Variants in ZNF398 observed in about 807,000 individuals in gnomAD.
ZNF398 encodes the protein zinc finger DNA binding protein ZER6.
Under a neutral mutation model 41.9 loss-of-function variants are expected in ZNF398, and 18 were observed. The observed-to-expected ratio is 0.43, with a 90% CI of 0.30 to 0.64. The LOEUF (loss-of-function observed/expected upper bound fraction) is 0.64, where lower values mean the gene tolerates loss of function less well. ZNF398 is among the 30% of genes least tolerant of loss of function. The pLI, the probability that ZNF398 is intolerant of heterozygous loss-of-function variation, is 0.14. For synonymous variants in ZNF398, 260 were observed against 308.8 expected (o/e 0.84, Z 1.66); for missense variants, 669 against 822.8 (o/e 0.81, Z 2.29).
At chr7:149,158,986 ATTT>A (rs879780185) in intron 2 of ZNF398, among the ~76,000 whole-genome samples, 1 of 146,004 alleles carries the variant, frequency 6.8e-6, no homozygotes, top group Non-Finnish European at 1.5e-5. Context: ...TCCCTTAAAG[ATTT>A]TTTTTTTTTG....
At chr7:149,140,155 C>T (rs116686120) in intron 2 of ZNF398, among the ~76,000 whole-genome samples, 98 of 152,030 alleles carry the variant, frequency 6.4e-4, no homozygotes, top group African/African-American at 2.1e-3. Flanking sequence ...TTGAGGATTA[C>T]GAAAGATGTT....
chr7:149,130,709 T>A (rs931659331), intron 2 of ZNF398, among the ~76,000 whole-genome samples: 1 of 152,182 alleles, frequency 6.6e-6, no homozygotes, highest in South Asian at 2.1e-4. Context: ...GGGTTTGGTC[T>A]AGGTGCTGCT....
At chr7:149,136,034 G>A (rs1826705137) in intron 2 of ZNF398, among the ~76,000 whole-genome samples, 1 of 151,852 alleles carries the variant, frequency 6.6e-6, no homozygotes, top group Admixed American at 6.6e-5. Flanking sequence ...TTTGTGGATT[G>A]GGGTTTTGGT....
intron 2 of ZNF398, among the ~76,000 whole-genome samples, chr7:149,130,701 G>T (rs1306158328): frequency 6.6e-6 from 1 of 152,116 alleles, no homozygotes; most frequent in East Asian, 1.9e-4. Flanking sequence ...AACACCAGGG[G>T]TTTGGTCTAG....
chr7:149,133,710 C>CAT (rs1177575778), intron 2 of ZNF398, among the ~76,000 whole-genome samples: 5 of 67,372 alleles, frequency 7.4e-5, no homozygotes, highest in African/African-American at 3.0e-4. Context: ...TATATACACA[C>CAT]ATATATATGT....
At position 149,174,949 on chromosome 7, in the gene ZNF398, A is replaced by G. The variant is rs373011275; in HGVS notation, c.662-1519A>G. 8.5e-5 allele frequency among the ~76,000 whole-genome samples: 13 copies of G among 152,240 alleles called. No individual in the cohort carries two copies. The South Asian group carries it at 1.9e-3, about 22-fold the overall frequency. On this transcript the variant is annotated intron_variant, in intron 4 of 5. Coordinates refer to ENST00000475153, the MANE Select transcript of ZNF398 (RefSeq NM_170686.3). ...CCCCTCTGCCTTTTTCCTTATAGATATGTATGTGTATAACATCTGGAAGAG... is the reference window on the plus strand; with the variant it reads ...CCCCTCTGCCTTTTTCCTTATAGATGTGTATGTGTATAACATCTGGAAGAG...
intron 2 of ZNF398, among the ~76,000 whole-genome samples, chr7:149,156,675 A>T (rs1794987811): frequency 6.6e-6 from 1 of 151,124 alleles, no homozygotes; most frequent in Non-Finnish European, 1.5e-5. Context: ...CCTGACCAAC[A>T]TGGAGAAACC....
chr7:149,166,026 T>C (rs545297735), intron 2 of ZNF398, 132 bp from the exon 3 acceptor site: 1 of 1,041,446 alleles, frequency 9.6e-7, no homozygotes, highest in East Asian at 2.5e-5. Flanking sequence ...AGAAACCATT[T>C]CAGAGATATT....
At chr7:149,176,400 C>A in intron 4 of ZNF398, 68 bp from the exon 5 acceptor site, 1 of 1,087,730 alleles carries the variant, frequency 9.2e-7, no homozygotes, top group Non-Finnish European at 1.4e-6. Context: ...GTTCAGCAAA[C>A]CAACTTGATT....
intron 2 of ZNF398, among the ~76,000 whole-genome samples, chr7:149,158,955 C>A (rs1013586099): frequency 1.3e-5 from 2 of 151,766 alleles, no homozygotes; most frequent in East Asian, 3.9e-4. Flanking sequence ...ACTCTAAAAT[C>A]ATCTATAAAG....
upstream of ZNF398, among the ~76,000 whole-genome samples, chr7:149,142,481 C>A (rs924444598): frequency 1.3e-5 from 2 of 152,172 alleles, no homozygotes; most frequent in African/African-American, 4.8e-5. Context: ...TCCTGGCTAA[C>A]ACGGTGAAAC....
rs1204360454 is a variant in ZNF398 at position 149,183,024 on chromosome 7, T to TAA, written c.*3240_*3241dup. Among the ~76,000 whole-genome samples the TAA allele has an allele frequency of 0.039, 4,875 of 125,364 alleles. 121 individuals carry two copies. Among genetic ancestry groups the TAA allele is most frequent in the African/African-American group, 0.048 (1,568 of 32,888 alleles). The allele number at this position is 125,364 out of a possible 152,430, so 82.2% of individuals were successfully genotyped here. On this transcript the variant is annotated 3_prime_UTR_variant, in exon 6 of 6. Coordinates refer to ENST00000475153, the MANE Select transcript of ZNF398 (RefSeq NM_170686.3). Reference sequence around the variant, plus strand: ...CAGTCCACACAAGCCTCGTTGATATTAAAAAAAAAAAAAAAAAAGGACCTC... The same window carrying TAA: ...CAGTCCACACAAGCCTCGTTGATATTAAAAAAAAAAAAAAAAAAAAGGACCTC...
intron 2 of ZNF398, among the ~76,000 whole-genome samples, chr7:149,155,554 C>G (rs1299441956): frequency 6.6e-6 from 1 of 151,722 alleles, no homozygotes; most frequent in Admixed American, 6.6e-5. Context: ...ATAGATGATT[C>G]TAATATATGA....
rs376797993 is a variant in ZNF398, at chr7:149,179,654, T to C, written c.1782T>C (p.Cys594=). The change falls in exon 6 of 6, where the codon TGT becomes TGC. Residue 594 remains cysteine, a synonymous_variant. Coordinates refer to ENST00000475153, the MANE Select transcript of ZNF398 (RefSeq NM_170686.3). This position sits in a 1 kb window ranked among gnomAD's most constrained non-coding sequence, Gnocchi z 6.1. ...DHLRSGHNGG[C]GGDSDPSGQP... ...TCCGTTCAGGCCACAATGGAGGCTG[T>C]GGGGGTGATAGTGACCCATCAGGTC... The C allele has an allele frequency of 1.2e-6, 2 of 1,614,168 alleles. No individual in the cohort carries two copies. Among genetic ancestry groups the C allele is most frequent in the Admixed American group, 3.3e-5 (2 of 60,004 alleles).
chr7:149,168,034 G>A (rs1234057980), intron 4 of ZNF398, among the ~76,000 whole-genome samples: 4 of 151,996 alleles, frequency 2.6e-5, no homozygotes, highest in Non-Finnish European at 1.5e-5. Flanking sequence ...TCCTTATCAT[G>A]CATATATCTA....
chr7:149,157,855 AAG>A (rs1795017956), intron 2 of ZNF398, among the ~76,000 whole-genome samples: 3 of 148,416 alleles, frequency 2.0e-5, no homozygotes, highest in African/African-American at 7.4e-5. Flanking sequence ...AAAAAAAAAA[AAG>A]AGTCCAGGAC....
intron 4 of ZNF398, among the ~76,000 whole-genome samples, chr7:149,176,133 C>A (rs1795456471): frequency 6.6e-6 from 1 of 152,012 alleles, no homozygotes; most frequent in Non-Finnish European, 1.5e-5. Context: ...GAGATCGAGA[C>A]CATCCTGGCT....
intron 2 of ZNF398, among the ~76,000 whole-genome samples, chr7:149,138,979 T>G (rs1321464590): frequency 6.6e-6 from 1 of 151,400 alleles, no homozygotes; most frequent in East Asian, 1.9e-4. Flanking sequence ...TGACGCATCT[T>G]GACTCACTGC....
At chr7:149,166,101 T>A in intron 2 of ZNF398, 57 bp from the exon 3 acceptor site, 1 of 1,543,648 alleles carries the variant, frequency 6.5e-7, no homozygotes, top group Non-Finnish European at 8.7e-7. Context: ...TGGAAAGAGA[T>A]TTATTGAATG....
Sources: allele counts gnomAD v4.1 joint callset (sites outside exome capture counted in the v4.1 genomes callset), GRCh38; gene constraint gnomAD v4.1.1; non-coding constraint Gnocchi (gnomAD v3.1); transcripts MANE v1.5; gene names NCBI Gene and HGNC (gene_info 2026-07-23, HGNC 2026-07-21).